ITPR1: variants seen among roughly 807,000 people sequenced by gnomAD.
ITPR1 encodes inositol 1,4,5-trisphosphate-gated calcium channel ITPR1.
A neutral mutation model predicts 318.4 loss-of-function variants in ITPR1; 96 were observed. That is an observed-to-expected ratio of 0.30 (90% CI 0.26 to 0.36). The LOEUF (loss-of-function observed/expected upper bound fraction) is 0.36, where lower values mean the gene tolerates loss of function less well. Among genes scored for constraint, ITPR1 ranks in the 10% least tolerant of loss-of-function variants. The pLI, the probability that ITPR1 is intolerant of heterozygous loss-of-function variation, is 1.00. For missense variants in ITPR1, 2,440 were observed against 3,460.2 expected (o/e 0.71, Z 7.40); for synonymous variants, 1,312 against 1,289.9 (o/e 1.02, Z -0.37).
At chr3:4,494,218 C>G (rs577558699) in intron 1 of ITPR1, among the ~76,000 whole-genome samples, 1 of 152,346 alleles carries the variant, frequency 6.6e-6, no homozygotes, top group African/African-American at 2.4e-5. Context: ...TGCCTAGTCT[C>G]AATTGTCAGT....
intron 4 of ITPR1, among the ~76,000 whole-genome samples, chr3:4,571,633 C>G (rs571338717): frequency 6.6e-6 from 1 of 152,176 alleles, no homozygotes; most frequent in Admixed American, 6.5e-5. Flanking sequence ...CACACCCGGC[C>G]TGATTTCACT....
intron 49 of ITPR1, among the ~76,000 whole-genome samples, chr3:4,781,810 T>G (rs1248595515): frequency 6.6e-6 from 1 of 152,124 alleles, no homozygotes; most frequent in African/African-American, 2.4e-5. Flanking sequence ...TAGTGAGACC[T>G]TGTGTTTACA....
chr3:4,775,772 C>G (rs920551547), intron 47 of ITPR1, among the ~76,000 whole-genome samples: 13 of 152,284 alleles, frequency 8.5e-5, no homozygotes, highest in Admixed American at 8.5e-4. Flanking sequence ...AGACAGTGAC[C>G]TATTTTAAAT....
chr3:4,826,919 G>A lies in ITPR1; in HGVS notation c.8028+8677G>A, dbSNP rs1030486274. ...AAGGGAGAGCATGGGGCGTGAGTCA[G>A]GTATACCCAGGAGTCTAGTCTGTGA... is the stretch of plus-strand genomic sequence containing the variant. On this transcript the variant is annotated intron_variant, in intron 60 of 61. Transcript: ENST00000649015. The surrounding 1 kb of genome is among the most constrained non-coding windows in gnomAD (Gnocchi z 4.2). Among the ~76,000 whole-genome samples the A allele has an allele frequency of 1.3e-5, 2 of 152,136 alleles. No homozygotes were observed. The highest frequency in any genetic ancestry group is 2.9e-5 in the Non-Finnish European group (2 of 68,030).
chr3:4,576,588 A>G (rs1175666736), intron 4 of ITPR1, among the ~76,000 whole-genome samples: 1 of 152,218 alleles, frequency 6.6e-6, no homozygotes, highest in African/African-American at 2.4e-5. Flanking sequence ...TTTATCTAGA[A>G]ACAATAAATA....
rs140189790 is a variant in ITPR1, at chr3:4,636,139, G to A, written c.280-3245G>A. Among the ~76,000 whole-genome samples the A allele has an allele frequency of 2.3e-3, 345 of 151,772 alleles. 3 individuals are homozygous for A. Among genetic ancestry groups the A allele is most frequent in the African/African-American group, 3.1e-3 (128 of 41,384 alleles). Reference sequence around the variant, plus strand: ...TGGGATTACAGGCATGAGCCACCGCGCCTAGCCCAGACTTGGTTTTGTGAG... The same window carrying A: ...TGGGATTACAGGCATGAGCCACCGCACCTAGCCCAGACTTGGTTTTGTGAG... On this transcript the variant is annotated intron_variant, in intron 5 of 61. Coordinates refer to ENST00000649015, the MANE Select transcript of ITPR1 (RefSeq NM_001378452.1).
chr3:4,790,199 C>T (rs1028146935), intron 52 of ITPR1, among the ~76,000 whole-genome samples: 2 of 152,122 alleles, frequency 1.3e-5, no homozygotes, highest in Admixed American at 1.3e-4. Context: ...AGTAGGAGGA[C>T]CCTCAGGCCC....
chr3:4,677,776 C>A (rs2094213838), intron 24 of ITPR1, among the ~76,000 whole-genome samples: 1 of 151,734 alleles, frequency 6.6e-6, no homozygotes, highest in Non-Finnish European at 1.5e-5. Context: ...TAGGAATGAT[C>A]ATGTATACAG....
chr3:4,669,594 G>A (rs1253597563), intron 18 of ITPR1, 60 bp from the exon 19 acceptor site: 1 of 1,525,296 alleles, frequency 6.6e-7, no homozygotes, highest in Admixed American at 2.0e-5. Flanking sequence ...AAGAATTGGG[G>A]TCCAGGAGCC....
At chr3:4,810,587 G>A (rs1014760099) in intron 55 of ITPR1, among the ~76,000 whole-genome samples, 10 of 152,192 alleles carry the variant, frequency 6.6e-5, no homozygotes, top group African/African-American at 2.4e-4. Flanking sequence ...CTCTTGATCA[G>A]GAAATTGATG....
chr3:4,502,098 T>C (rs2081063661), intron 2 of ITPR1, among the ~76,000 whole-genome samples: 2 of 152,352 alleles, frequency 1.3e-5, no homozygotes, highest in Non-Finnish European at 2.9e-5. Context: ...AAAAAGCTGA[T>C]ACGACACCCA....
rs780698053 is a variant in ITPR1, at chr3:4,818,227, G to A, written c.8013G>A (p.Val2671=). ...AATATACTGGGCCTGAGAGTTACGT[G>A]GCAGAAATGATCAAGGTGAGTGGAA... ...STEYTGPESY[V]AEMIKERNLD... Residue 2671 remains valine, a synonymous_variant, in exon 60 of 62, where the codon GTG becomes GTA. Transcript: ENST00000649015. The A allele has an allele frequency of 5.1e-6, 8 of 1,568,678 alleles. No homozygotes were observed. The highest frequency in any genetic ancestry group is 7.0e-6 in the Non-Finnish European group (8 of 1,145,474).
intron 52 of ITPR1, chr3:4,794,863 C>A: frequency 2.0e-6 from 1 of 509,880 alleles, no homozygotes; most frequent in Non-Finnish European, 3.3e-6. Context: ...TCTTCTGTTC[C>A]AGTAAGTACT....
At chr3:4,656,395 A>G (rs1352776138) in intron 12 of ITPR1, among the ~76,000 whole-genome samples, 3 of 152,184 alleles carry the variant, frequency 2.0e-5, no homozygotes, top group Non-Finnish European at 4.4e-5. Context: ...GAGAGAACAA[A>G]TGTTGCTCAA....
chr3:4,717,617 A>G (rs1043752418), intron 40 of ITPR1, among the ~76,000 whole-genome samples: 2 of 152,156 alleles, frequency 1.3e-5, no homozygotes, highest in Non-Finnish European at 2.9e-5. Context: ...CTGAGTCTAG[A>G]TGAAGACTTT....
chr3:4,504,286 G>C (rs2081246735), intron 2 of ITPR1, among the ~76,000 whole-genome samples: 1 of 152,170 alleles, frequency 6.6e-6, no homozygotes, highest in Non-Finnish European at 1.5e-5. Flanking sequence ...TTATTTTTGT[G>C]TGTGTATGTG....
At chr3:4,776,329 C>A (rs984627661) in intron 47 of ITPR1, among the ~76,000 whole-genome samples, 1 of 152,176 alleles carries the variant, frequency 6.6e-6, no homozygotes, top group African/African-American at 2.4e-5. Flanking sequence ...CTCGGCTTGC[C>A]AAAGTGCTGG....
At chr3:4,786,919 G>GA (rs1234017706) in intron 51 of ITPR1, among the ~76,000 whole-genome samples, 1 of 152,142 alleles carries the variant, frequency 6.6e-6, no homozygotes, top group African/African-American at 2.4e-5. Context: ...TCCCATCTAG[G>GA]AAAAATAACC....
At chr3:4,574,039 A>G (rs2088329039) in intron 4 of ITPR1, among the ~76,000 whole-genome samples, 1 of 152,212 alleles carries the variant, frequency 6.6e-6, no homozygotes, top group South Asian at 2.1e-4. Flanking sequence ...GGCCATGGCG[A>G]CAGAGGTGCC....
Sources: gnomAD v4.1 joint callset for allele counts (sites outside exome capture counted in the v4.1 genomes callset) on GRCh38, gnomAD v4.1.1 for gene constraint, Gnocchi (gnomAD v3.1) non-coding constraint, MANE v1.5 for transcripts, NCBI Gene and HGNC (gene_info 2026-07-23, HGNC 2026-07-21) for gene names.